The following ESRRG variants were observed in gnomAD, a reference collection of about 807,000 sequenced individuals.
The protein encoded by ESRRG is estrogen related receptor gamma.
Under a neutral mutation model 44.0 loss-of-function variants are expected in ESRRG, and 13 were observed. The ratio of observed to expected loss-of-function variants is 0.30; its 90% CI spans 0.19 to 0.47. ESRRG has a LOEUF of 0.47. Among genes scored for constraint, ESRRG ranks in the 20% least tolerant of loss-of-function variants. The pLI is 1.00. For synonymous variants in ESRRG, 215 were observed against 214.6 expected (o/e 1.00, Z -0.02); for missense variants, 395 against 580.6 (o/e 0.68, Z 3.29).
chr1:216,624,520 GATA>G (rs2062831291), intron 3 of ESRRG, among the ~76,000 whole-genome samples: 1 of 152,150 alleles, frequency 6.6e-6, no homozygotes, highest in African/African-American at 2.4e-5. Context: ...ACCTGGAACA[GATA>G]ATATCTTTTG....
At chr1:216,667,974 G>A (rs1440895363) in intron 2 of ESRRG, among the ~76,000 whole-genome samples, 1 of 151,470 alleles carries the variant, frequency 6.6e-6, no homozygotes, top group Non-Finnish European at 1.5e-5. Context: ...GCTGGCACCT[G>A]TAATCCCAGC....
intron 2 of ESRRG, among the ~76,000 whole-genome samples, chr1:216,880,199 C>T (rs1212424409): frequency 6.9e-6 from 1 of 145,396 alleles, no homozygotes; most frequent in Non-Finnish European, 1.5e-5. Context: ...CTCAGCTACT[C>T]TGGAGGCTGA....
At chr1:216,651,142 T>G in intron 2 of ESRRG, 53 bp from the exon 3 acceptor site, 1 of 1,170,652 alleles carries the variant, frequency 8.5e-7, no homozygotes, top group Non-Finnish European at 1.3e-6. Context: ...CCAGGAAACA[T>G]TAGCTTCCCA....
chr1:216,721,715 A>C (rs1407807364), intron 1 of ESRRG, among the ~76,000 whole-genome samples: 2 of 152,242 alleles, frequency 1.3e-5, no homozygotes, highest in African/African-American at 4.8e-5. Context: ...AAAGTTCAGA[A>C]TCTGGGCGTG....
At chr1:216,924,459 G>A (rs2062252863) in intron 2 of ESRRG, among the ~76,000 whole-genome samples, 1 of 151,956 alleles carries the variant, frequency 6.6e-6, no homozygotes, top group Non-Finnish European at 1.5e-5. Context: ...GTGTCCAGCA[G>A]CCCCTTCAGC....
chr1:216,543,195 A>G (rs12757165), intron 5 of ESRRG, among the ~76,000 whole-genome samples: 44,306 of 151,886 alleles, frequency 0.29, 7,460 homozygotes, highest in Admixed American at 0.4. Flanking sequence ...TGCCTGCAGC[A>G]CTGTACTATC....
chr1:216,977,137 T>A (rs1010603203), intron 1 of ESRRG, among the ~76,000 whole-genome samples: 7 of 152,130 alleles, frequency 4.6e-5, no homozygotes, highest in African/African-American at 1.4e-4. Flanking sequence ...GAGCAAGTAA[T>A]TACATACTTG....
intron 1 of ESRRG, among the ~76,000 whole-genome samples, chr1:217,027,392 T>C (rs2081377306): frequency 6.6e-6 from 1 of 152,204 alleles, no homozygotes. Context: ...CTTCGTTACA[T>C]GCATTCTTCA....
At chr1:216,771,440 G>A (rs958582573) in intron 2 of ESRRG, among the ~76,000 whole-genome samples, 1 of 152,112 alleles carries the variant, frequency 6.6e-6, no homozygotes, top group African/African-American at 2.4e-5. Flanking sequence ...GAACAAGGAA[G>A]AAGAACCTCG....
chr1:216,884,619 C>T (rs1030460832), intron 2 of ESRRG, among the ~76,000 whole-genome samples: 2 of 152,178 alleles, frequency 1.3e-5, no homozygotes, highest in Non-Finnish European at 2.9e-5. Context: ...GTACCTGGAG[C>T]AGTCTTCTCA....
intron 1 of ESRRG, among the ~76,000 whole-genome samples, chr1:216,719,552 A>C (rs1260532887): frequency 2.0e-5 from 3 of 152,086 alleles, no homozygotes; most frequent in South Asian, 2.1e-4. Context: ...ACAACAACAA[A>C]AAAATCTTTC....
chr1:216,560,221 T>A (rs1426328859), intron 5 of ESRRG, among the ~76,000 whole-genome samples: 6 of 152,150 alleles, frequency 3.9e-5, no homozygotes, highest in African/African-American at 9.6e-5. Context: ...TTATAGGAAT[T>A]TTTTTCTATT....
rs543671147 is a variant in ESRRG, at chr1:216,729,293, A to G, written c.-13-51802T>C. ...TACAGAAGCACCTTCTTACACCCTC[A>G]ATAGTGCCCCCGTTTGGAGAATACA... is the stretch of plus-strand genomic sequence containing the variant. On this transcript the variant is annotated intron_variant, in intron 2 of 7. Transcript: ENST00000359162. Among the ~76,000 whole-genome samples the G allele has an allele frequency of 1.7e-4, 26 of 152,322 alleles. 1 individual carries two copies. In the South Asian group the frequency reaches 5.4e-3, roughly 32 times the overall value.
intron 5 of ESRRG, among the ~76,000 whole-genome samples, chr1:216,561,118 A>C (rs2058649497): frequency 6.6e-6 from 1 of 152,118 alleles, no homozygotes; most frequent in Admixed American, 6.6e-5. Flanking sequence ...AATGTAAGTC[A>C]ACTAATTCTA....
At chr1:216,560,178 A>G (rs896085773) in intron 5 of ESRRG, among the ~76,000 whole-genome samples, 1 of 152,140 alleles carries the variant, frequency 6.6e-6, no homozygotes, top group Non-Finnish European at 1.5e-5. Context: ...TTAGAGTTTA[A>G]TAACTCCTGC....
At chr1:216,789,647 T>C (rs1444290458) in intron 2 of ESRRG, among the ~76,000 whole-genome samples, 1 of 152,168 alleles carries the variant, frequency 6.6e-6, no homozygotes, top group Non-Finnish European at 1.5e-5. Flanking sequence ...TGGAATCTAA[T>C]ATTTTCATTT....
At chr1:216,526,021 G>A (rs1448442335) in intron 5 of ESRRG, among the ~76,000 whole-genome samples, 3 of 152,178 alleles carry the variant, frequency 2.0e-5, no homozygotes, top group Non-Finnish European at 4.4e-5. Context: ...CTTGGAGAAA[G>A]CTGACAGATA....
intron 1 of ESRRG, among the ~76,000 whole-genome samples, chr1:217,018,009 T>C (rs967369348): frequency 2.0e-5 from 3 of 152,226 alleles, no homozygotes; most frequent in South Asian, 2.1e-4. Flanking sequence ...TGGCCAAATG[T>C]ATAAAACGAA....
intron 1 of ESRRG, among the ~76,000 whole-genome samples, chr1:216,684,383 T>C (rs962519120): frequency 3.9e-5 from 6 of 152,232 alleles, no homozygotes; most frequent in African/African-American, 1.4e-4. Flanking sequence ...CGCTTAGTAG[T>C]GCAACTTATC....
Sources: allele counts gnomAD v4.1 joint callset (sites outside exome capture counted in the v4.1 genomes callset), GRCh38; gene constraint gnomAD v4.1.1; transcripts MANE v1.5; gene names NCBI Gene and HGNC (gene_info 2026-07-23, HGNC 2026-07-21).